PTCHD4: variants seen among roughly 807,000 people sequenced by gnomAD.
PTCHD4 encodes patched domain containing 4.
A neutral mutation model predicts 58.1 loss-of-function variants in PTCHD4; 33 were observed. The observed-to-expected ratio is 0.57, with a 90% CI of 0.43 to 0.76. The LOEUF (loss-of-function observed/expected upper bound fraction) is 0.76. PTCHD4 is among the 30% of genes least tolerant of loss of function. The pLI is 0.00. For synonymous variants in PTCHD4, 478 were observed against 409.6 expected, an observed-to-expected ratio of 1.17 and a Z score of -2.02; for missense variants, 1,058 against 1,027.1, an observed-to-expected ratio of 1.03 and a Z score of -0.41.
At chr6:48,006,586 A>T (rs1474183241) in intron 4 of PTCHD4, among the ~76,000 whole-genome samples, 1 of 152,206 alleles carries the variant, frequency 6.6e-6, no homozygotes, top group Non-Finnish European at 1.5e-5. Context: ...AAAAAAATGT[A>T]ACAAGTGTAA....
chr6:47,995,663 A>C (rs1222211473), intron 4 of PTCHD4, among the ~76,000 whole-genome samples: 1 of 152,220 alleles, frequency 6.6e-6, no homozygotes, highest in African/African-American at 2.4e-5. Flanking sequence ...TAATTCTGTC[A>C]TTGAATATCT....
chr6:48,010,004 T>G (rs1762608649), intron 3 of PTCHD4, among the ~76,000 whole-genome samples: 1 of 152,218 alleles, frequency 6.6e-6, no homozygotes, highest in Non-Finnish European at 1.5e-5. Flanking sequence ...GAACGGTATT[T>G]CTCATCCAGT....
At chr6:48,088,091 T>G (rs1282283056) in intron 1 of PTCHD4, among the ~76,000 whole-genome samples, 1 of 152,134 alleles carries the variant, frequency 6.6e-6, no homozygotes, top group Admixed American at 6.5e-5. Context: ...TACAAGACCA[T>G]CAATAAGGGA....
At chr6:47,942,889 A>G (rs935163337) in intron 4 of PTCHD4, among the ~76,000 whole-genome samples, 1 of 152,222 alleles carries the variant, frequency 6.6e-6, no homozygotes, top group African/African-American at 2.4e-5. Context: ...TTCAGCAAGA[A>G]TATGTCAGGT....
intron 3 of PTCHD4, among the ~76,000 whole-genome samples, chr6:48,063,522 G>T (rs184183324): frequency 3.3e-5 from 5 of 152,294 alleles, no homozygotes; most frequent in Admixed American, 3.3e-4. Context: ...ATGAGCTTCA[G>T]TACCCGACAG....
intron 4 of PTCHD4, among the ~76,000 whole-genome samples, chr6:47,968,774 C>A (rs116262001): frequency 0.019 from 2,926 of 152,120 alleles, 38 homozygotes; most frequent in Non-Finnish European, 0.029. Flanking sequence ...TAAATACAAA[C>A]AAGACTCTAA....
intron 4 of PTCHD4, among the ~76,000 whole-genome samples, chr6:47,947,093 T>C (rs1766452169): frequency 6.6e-6 from 1 of 152,086 alleles, no homozygotes; most frequent in Admixed American, 6.6e-5. Context: ...TCTTGGCCTC[T>C]CTAAGTACTG....
In PTCHD4 at chr6:48,008,840, C is replaced by T. The variant is rs1262086742; in HGVS notation, c.692G>A (p.Arg231Lys). The T allele has an allele frequency of 6.2e-7, 1 of 1,613,912 alleles. No homozygotes were observed. The highest frequency in any genetic ancestry group is 2.2e-5 in the East Asian group (1 of 44,888). The change falls in exon 4 of 5, where the codon AGA becomes AAA. Residue 231 changes from arginine to lysine, a missense_variant. Arg to Lys is a conservative substitution (Grantham distance 26). Coordinates refer to ENST00000339488, the MANE Select transcript of PTCHD4 (RefSeq NM_001384253.1). Reference sequence around the variant, plus strand: ...CACGAGGCTCACCAGGACCTTGCTTCTGGCCAGGATGCTGGTCTTATGAAA... The same window carrying T: ...CACGAGGCTCACCAGGACCTTGCTTTTGGCCAGGATGCTGGTCTTATGAAA... The part of the protein sequence containing the change: ...RDFHKTSILA[R>K]SKVLVSLVLI...
chr6:48,016,886 T>A (rs2114102020), intron 3 of PTCHD4, among the ~76,000 whole-genome samples: 1 of 152,306 alleles, frequency 6.6e-6, no homozygotes, highest in South Asian at 2.1e-4. Context: ...TATTTGTTCC[T>A]CCTATGTACT....
intron 4 of PTCHD4, among the ~76,000 whole-genome samples, chr6:47,881,022 C>T (rs973070947): frequency 6.6e-6 from 1 of 152,210 alleles, no homozygotes; most frequent in African/African-American, 2.4e-5. Context: ...CCCTTGTGGG[C>T]ATAGCAATAC....
intron 3 of PTCHD4, among the ~76,000 whole-genome samples, chr6:48,046,242 C>T (rs332580): frequency 0.38 from 57,498 of 151,500 alleles, 11,482 homozygotes; most frequent in East Asian, 0.62. Context: ...CACTGATTCC[C>T]AGACATTTGC....
chr6:48,048,047 T>C (rs1764103017), intron 3 of PTCHD4, among the ~76,000 whole-genome samples: 3 of 148,174 alleles, frequency 2.0e-5, no homozygotes, highest in African/African-American at 7.5e-5. Flanking sequence ...AACCCTTTCA[T>C]GGAACAGAAA....
In PTCHD4 at chr6:47,969,413, G is replaced by A. The variant is rs115619680; in HGVS notation, c.898+39221C>T. ...TTAATATCTAACACCAGCAGGCATCGCCTGAGAAAATCTGAAAAATTATTT... is the reference window on the plus strand; with the variant it reads ...TTAATATCTAACACCAGCAGGCATCACCTGAGAAAATCTGAAAAATTATTT... On this transcript the variant is annotated intron_variant, in intron 4 of 4. Coordinates refer to ENST00000339488, the MANE Select transcript of PTCHD4 (RefSeq NM_001384253.1). Among the ~76,000 whole-genome samples the A allele has an allele frequency of 3.4e-3, 514 of 152,284 alleles. 1 individual carries two copies. Among genetic ancestry groups the A allele is most frequent in the African/African-American group, 0.011 (474 of 41,568 alleles).
chr6:47,936,219 T>C (rs1196196137), intron 4 of PTCHD4, among the ~76,000 whole-genome samples: 1 of 152,186 alleles, frequency 6.6e-6, no homozygotes, highest in African/African-American at 2.4e-5. Context: ...GCAGTGTTGG[T>C]GGACGTGATG....
intron 4 of PTCHD4, among the ~76,000 whole-genome samples, chr6:47,924,353 G>A (rs1033548277): frequency 6.6e-6 from 1 of 152,086 alleles, no homozygotes; most frequent in African/African-American, 2.4e-5. Flanking sequence ...AGGCTATTTT[G>A]GGTTATTATC....
intron 3 of PTCHD4, among the ~76,000 whole-genome samples, chr6:48,012,954 G>A (rs1437612507): frequency 1.3e-5 from 2 of 152,152 alleles, no homozygotes; most frequent in East Asian, 3.9e-4. Flanking sequence ...GCTTTTTGAT[G>A]TGCTGCTGGA....
chr6:48,092,644 T>C (rs1447243688), intron 1 of PTCHD4, among the ~76,000 whole-genome samples: 1 of 152,178 alleles, frequency 6.6e-6, no homozygotes, highest in Non-Finnish European at 1.5e-5. Flanking sequence ...CTTTAGTTAC[T>C]TAGGTAGCCA....
At chr6:47,904,366 G>A (rs1206094427) in intron 4 of PTCHD4, among the ~76,000 whole-genome samples, 6 of 152,220 alleles carry the variant, frequency 3.9e-5, no homozygotes, top group Non-Finnish European at 8.8e-5. Flanking sequence ...TCTGCGGCCT[G>A]TTTTGGAAAT....
At chr6:48,060,549 C>G (rs564155042) in intron 3 of PTCHD4, among the ~76,000 whole-genome samples, 1 of 152,340 alleles carries the variant, frequency 6.6e-6, no homozygotes, top group East Asian at 1.9e-4. Context: ...TCTTGGCTCA[C>G]TGCAACCTCA....
Sources: gnomAD v4.1 joint callset for allele counts (sites outside exome capture counted in the v4.1 genomes callset) on GRCh38, gnomAD v4.1.1 for gene constraint, MANE v1.5 for transcripts, NCBI Gene and HGNC (gene_info 2026-07-23, HGNC 2026-07-21) for gene names.